The following SNX4 variants were observed in gnomAD, a reference collection of about 807,000 sequenced individuals.
SNX4 encodes sorting nexin 4.
Under a neutral mutation model 70.8 loss-of-function variants are expected in SNX4, and 49 were observed. The ratio of observed to expected loss-of-function variants is 0.69; its 90% confidence interval spans 0.55 to 0.88. The LOEUF is 0.88. SNX4 is among the 40% of genes least tolerant of loss of function. The pLI is 0.00. For synonymous variants in SNX4, 206 were observed against 183.8 expected (o/e 1.12, Z -0.98); for missense variants, 528 against 544.8 (o/e 0.97, Z 0.31).
At chr3:125,507,191 GAAAAAAAA>G (rs753584700) in intron 1 of SNX4, among the ~76,000 whole-genome samples, 11 of 90,800 alleles carry the variant, frequency 1.2e-4, no homozygotes, top group Admixed American at 2.5e-4. Context: ...CTGGGTGATA[GAAAAAAAA>G]AAAAAAAAAA....
intron 2 of SNX4, among the ~76,000 whole-genome samples, chr3:125,501,598 T>C (rs1934933147): frequency 6.7e-6 from 1 of 150,036 alleles, no homozygotes; most frequent in Non-Finnish European, 1.5e-5. Flanking sequence ...CCAGCCTGGG[T>C]GACAGAGCGA....
intron 1 of SNX4, among the ~76,000 whole-genome samples, chr3:125,507,268 C>T (rs1580008808): frequency 6.7e-6 from 1 of 148,710 alleles, no homozygotes; most frequent in Non-Finnish European, 1.5e-5. Context: ...TAAAAGTTCA[C>T]TAGAGGGGTT....
At chr3:125,484,845 C>A (rs1408048777) in intron 6 of SNX4, among the ~76,000 whole-genome samples, 1 of 152,042 alleles carries the variant, frequency 6.6e-6, no homozygotes, top group African/African-American at 2.4e-5. Context: ...CCGGGTGGAT[C>A]ACCTGAAGTC....
intron 8 of SNX4, among the ~76,000 whole-genome samples, chr3:125,476,011 G>T (rs1177788876): frequency 6.6e-6 from 1 of 151,588 alleles, no homozygotes; most frequent in African/African-American, 2.4e-5. Flanking sequence ...GCATACACCT[G>T]TAATCCAGCA....
chr3:125,467,936 C>T (rs938660868), intron 9 of SNX4, among the ~76,000 whole-genome samples: 2 of 152,196 alleles, frequency 1.3e-5, no homozygotes, highest in Non-Finnish European at 2.9e-5. Context: ...AGGATACATG[C>T]ACGCCTGTGT....
At chr3:125,516,556 C>T (rs1412732309) in intron 1 of SNX4, among the ~76,000 whole-genome samples, 2 of 152,246 alleles carry the variant, frequency 1.3e-5, no homozygotes, top group Non-Finnish European at 2.9e-5. Context: ...AAAAATAAGG[C>T]TGGGCCGGGC....
Position 125,447,662 on chromosome 3 carries a change from A to T in SNX4, c.*117T>A, listed in dbSNP as rs1933457369. The T allele has an allele frequency of 3.1e-6, 2 of 652,328 alleles. No homozygotes were observed. Among genetic ancestry groups the T allele is most frequent in the African/African-American group, 3.8e-5 (2 of 52,064 alleles). The allele number at this position is 652,328 out of a possible 1,614,324, so 40.4% of individuals were successfully genotyped here. ...ACCACAATTAAGTTAAAGAAAGCTG[A>T]ATTTATTTAACTTATTGTATATGTT... is the stretch of plus-strand genomic sequence containing the variant. On this transcript the variant is annotated 3_prime_UTR_variant, in exon 14 of 14. Coordinates refer to ENST00000251775, the MANE Select transcript of SNX4 (RefSeq NM_003794.4).
intron 8 of SNX4, among the ~76,000 whole-genome samples, chr3:125,471,439 A>G (rs1416919735): frequency 6.6e-6 from 1 of 151,524 alleles, no homozygotes; most frequent in Non-Finnish European, 1.5e-5. Context: ...ACACAAGTAC[A>G]TCTTTGTGTC....
chr3:125,462,607 A>AG (rs1933911887), intron 9 of SNX4, among the ~76,000 whole-genome samples: 1 of 151,460 alleles, frequency 6.6e-6, no homozygotes, highest in African/African-American at 2.4e-5. Context: ...AAAAAAAAAA[A>AG]AAAAAAAAAG....
At chr3:125,502,924 T>TTTC (rs112609161) in intron 2 of SNX4, among the ~76,000 whole-genome samples, 7 of 143,474 alleles carry the variant, frequency 4.9e-5, no homozygotes, top group East Asian at 2.0e-4. Context: ...GTAGTTTTTT[T>TTTC]TTTTTTTCTT....
At chr3:125,518,969 TGCCACTGCATTCCA>T (rs1221453537) in intron 1 of SNX4, among the ~76,000 whole-genome samples, 62 of 152,036 alleles carry the variant, frequency 4.1e-4, no homozygotes, top group African/African-American at 1.5e-3. Context: ...GCCGAGATCG[TGCCACTGCATTCCA>T]GCCTGGGTGA....
chr3:125,499,778 A>C (rs7619934), intron 2 of SNX4, among the ~76,000 whole-genome samples: 80,414 of 149,182 alleles, frequency 0.54, 23,393 homozygotes, highest in African/African-American at 0.77. Flanking sequence ...AAAAAAAAAA[A>C]AAAAACGCGG....
intron 6 of SNX4, among the ~76,000 whole-genome samples, chr3:125,488,488 A>C (rs967808730): frequency 2.6e-5 from 4 of 152,174 alleles, no homozygotes; most frequent in Non-Finnish European, 5.9e-5. Flanking sequence ...AAATAAAAAA[A>C]TGAAAATGAA....
intron 1 of SNX4, among the ~76,000 whole-genome samples, chr3:125,518,881 C>T (rs923125093): frequency 2.6e-5 from 4 of 150,962 alleles, no homozygotes; most frequent in East Asian, 1.9e-4. Context: ...GGAGTGGTGG[C>T]GCCCATCTGT....
intron 7 of SNX4, 39 bp from the exon 8 acceptor site, chr3:125,476,795 A>G (rs369724058): frequency 3.5e-4 from 420 of 1,216,214 alleles, no homozygotes; most frequent in Non-Finnish European, 4.6e-4. Flanking sequence ...TTTAGGTCAA[A>G]GTTATATCCT....
chr3:125,486,212 A>G (rs1232741923), intron 6 of SNX4, among the ~76,000 whole-genome samples: 1 of 152,148 alleles, frequency 6.6e-6, no homozygotes, highest in Non-Finnish European at 1.5e-5. Flanking sequence ...TTCTCTATCC[A>G]TACTTCCTGC....
chr3:125,518,730 T>C (rs1033348513), intron 1 of SNX4, among the ~76,000 whole-genome samples: 11 of 151,900 alleles, frequency 7.2e-5, no homozygotes, highest in African/African-American at 2.2e-4. Flanking sequence ...TGGCTGGGCA[T>C]GATGGCTCAC....
At chr3:125,472,856 C>T (rs987227795) in intron 8 of SNX4, among the ~76,000 whole-genome samples, 1 of 152,062 alleles carries the variant, frequency 6.6e-6, no homozygotes, top group Non-Finnish European at 1.5e-5. Flanking sequence ...CTCACCTCTC[C>T]CCTGCCTTAA....
intron 9 of SNX4, among the ~76,000 whole-genome samples, chr3:125,461,266 C>A (rs896682094): frequency 2.6e-5 from 4 of 152,078 alleles, no homozygotes; most frequent in African/African-American, 9.7e-5. Context: ...AACAGCAATT[C>A]TAAGTGTGGC....
Sources: gnomAD v4.1 joint callset for allele counts (sites outside exome capture counted in the v4.1 genomes callset) on GRCh38, gnomAD v4.1.1 for gene constraint, MANE v1.5 for transcripts, NCBI Gene and HGNC (gene_info 2026-07-23, HGNC 2026-07-21) for gene names.